UTP6: variants seen among roughly 807,000 people sequenced by gnomAD.
UTP6 encodes UTP6 small subunit processome component.
In UTP6, 60 loss-of-function variants were observed where a neutral mutation model predicts 96.5. The ratio of observed to expected loss-of-function variants is 0.62; its 90% confidence interval spans 0.51 to 0.77. The LOEUF (loss-of-function observed/expected upper bound fraction) is 0.77, where lower values mean the gene tolerates loss of function less well. Ranked by LOEUF, UTP6 falls within the 30% of genes least tolerant of loss-of-function variation. UTP6 has a pLI of 0.00. For synonymous variants in UTP6, 215 were observed against 240.1 expected (o/e 0.90, Z 0.96); for missense variants, 637 against 706.5 (o/e 0.90, Z 1.12).
At position 31,863,481 on chromosome 17, in the gene UTP6, G is replaced by A. The variant is rs1270588091; in HGVS notation, c.1672C>T (p.His558Tyr). The A allele has an allele frequency of 6.2e-7, 1 of 1,611,596 alleles. No homozygotes were observed. Among genetic ancestry groups the A allele is most frequent in the Non-Finnish European group, 8.5e-7 (1 of 1,179,308 alleles). ...CAGTTCTCAGGTCTACCAAGGGGGT[G>A]GTTCAATTCTTCTTTCATATAATCC... is the stretch of plus-strand genomic sequence containing the variant. ...WMDYMKEELNHPLGRPENCGQ... is the reference protein window; with the variant it reads ...WMDYMKEELNYPLGRPENCGQ... The change falls in exon 19 of 19, where the codon CAC (histidine) becomes TAC (tyrosine). Residue 558 changes from histidine (H) to tyrosine (Y), a missense_variant. By Grantham distance (83) the His-to-Tyr change is moderately conservative. Transcript: ENST00000261708.
At position 31,884,434 on chromosome 17, in the gene UTP6, T is replaced by C; in HGVS notation, c.775A>G (p.Ile259Val). The C allele has an allele frequency of 6.2e-7, 1 of 1,610,498 alleles. No individual in the cohort carries two copies. The highest frequency in any genetic ancestry group is 8.5e-7 in the Non-Finnish European group (1 of 1,178,438). Residue 259 changes from isoleucine to valine, a missense_variant, in exon 10 of 19, where the codon ATT (isoleucine) becomes GTT (valine). Transcript: ENST00000261708. ...ACTAACTTTACTTACTCATCATAAA[T>C]CTCTTTTTGTAGATCTTTGGCAAAG... Reference protein sequence around the residue: ...FDFAKDLQKEIYDDLQALHTD... With the variant: ...FDFAKDLQKEVYDDLQALHTD...
rs1003885757 is a variant in UTP6, at chr17:31,863,007, G to A, written c.*352C>T. Reference sequence around the variant, plus strand: ...AAACATTTAGGACCTGTGGAAGATCGGGCCTCAACATTAAATCAGCAATTC... The same window carrying A: ...AAACATTTAGGACCTGTGGAAGATCAGGCCTCAACATTAAATCAGCAATTC... On this transcript the variant is annotated 3_prime_UTR_variant, in exon 19 of 19. Transcript: ENST00000261708. 5.9e-5 allele frequency: 11 copies of A among 186,552 alleles called. No homozygotes were observed. The highest frequency in any genetic ancestry group is 2.1e-4 in the African/African-American group (9 of 42,524). The allele number at this position is 186,552 out of a possible 1,614,324, so 11.6% of individuals were successfully genotyped here.
intron 17 of UTP6, among the ~76,000 whole-genome samples, chr17:31,865,914 C>T (rs1909783828): frequency 6.6e-6 from 1 of 152,162 alleles, no homozygotes; most frequent in South Asian, 2.1e-4. Context: ...ACCTATAAAA[C>T]AAGCTTTAAT....
chr17:31,899,779 CGTTTAA>C (rs982840598), intron 1 of UTP6, 49 bp from the exon 2 acceptor site: 55 of 1,303,170 alleles, frequency 4.2e-5, no homozygotes, highest in Non-Finnish European at 5.3e-5. Context: ...AAAAATTAAA[CGTTTAA>C]GTTTATTTTG....
At chr17:31,877,354 C>T (rs1335881301) in intron 13 of UTP6, among the ~76,000 whole-genome samples, 1 of 152,192 alleles carries the variant, frequency 6.6e-6, no homozygotes, top group African/African-American at 2.4e-5. Context: ...ATAATCAGTA[C>T]ATTCAGCAAG....
intron 2 of UTP6, among the ~76,000 whole-genome samples, chr17:31,895,823 C>T (rs1446031183): frequency 6.6e-6 from 1 of 151,724 alleles, no homozygotes; most frequent in African/African-American, 2.4e-5. Flanking sequence ...CATGAGCCAC[C>T]GTGCCCGGCC....
intron 2 of UTP6, among the ~76,000 whole-genome samples, chr17:31,896,986 A>G (rs892736924): frequency 5.9e-5 from 9 of 152,102 alleles, no homozygotes; most frequent in African/African-American, 2.2e-4. Flanking sequence ...AGTCTAATTT[A>G]GCTTTAAGAA....
rs370073573 is a variant in UTP6, at chr17:31,873,326, G to A, written c.1496+52C>T. 7.4e-5 allele frequency: 114 copies of A among 1,530,468 alleles called. No homozygotes were observed. The Admixed American group carries it at 1.1e-3, about 15-fold the overall frequency. The allele number at this position is 1,530,468 out of a possible 1,614,324, so 94.8% of individuals were successfully genotyped here. A position where few individuals can be genotyped will look rare whatever the true frequency, so the allele number is the denominator to read the frequency against. Reference sequence around the variant, plus strand: ...TGATTCAAATAATCTGGGTATGAGCGGCTGAGCATGGGGTAGAGGGACTAG... The same window carrying A: ...TGATTCAAATAATCTGGGTATGAGCAGCTGAGCATGGGGTAGAGGGACTAG... On this transcript the variant is annotated intron_variant, in intron 16 of 18. Coordinates refer to ENST00000261708, the MANE Select transcript of UTP6 (RefSeq NM_018428.3).
At chr17:31,881,880 CAG>C (rs1314695060) in intron 10 of UTP6, among the ~76,000 whole-genome samples, 2 of 151,962 alleles carry the variant, frequency 1.3e-5, no homozygotes, top group African/African-American at 4.8e-5. Flanking sequence ...TTTTATTGTA[CAG>C]AGTTTTGCCA....
chr17:31,879,479 G>A (rs770775733), intron 11 of UTP6, among the ~76,000 whole-genome samples: 10 of 151,984 alleles, frequency 6.6e-5, no homozygotes, highest in Non-Finnish European at 1.2e-4. Context: ...AGACCAGCCT[G>A]GGCAACATGG....
intron 1 of UTP6, among the ~76,000 whole-genome samples, chr17:31,900,874 A>ACTT (rs1904939586): frequency 6.6e-6 from 1 of 152,204 alleles, no homozygotes; most frequent in South Asian, 2.1e-4. Context: ...TTAACTGAGC[A>ACTT]CTTTCTAAGC....
In UTP6 at chr17:31,901,656, A is replaced by G. The variant is rs1242181956; in HGVS notation, c.-29T>C. On this transcript the variant is annotated 5_prime_UTR_variant, in exon 1 of 19. Transcript: ENST00000261708. ...GTCCGAGGTCTACAACCCCGCGGGT[A>G]GCTTCTCAACAGCGAACACGAGCAG... 8.1e-6 allele frequency: 13 copies of G among 1,608,602 alleles called. No homozygotes were observed. Among genetic ancestry groups the G allele is most frequent in the African/African-American group, 2.7e-5 (2 of 74,852 alleles).
intron 2 of UTP6, among the ~76,000 whole-genome samples, chr17:31,896,324 C>T (rs1424145659): frequency 1.3e-5 from 2 of 151,890 alleles, no homozygotes; most frequent in East Asian, 2.0e-4. Context: ...GTAATCCACC[C>T]GCCTCAGCCT....
chr17:31,880,228 T>C, intron 11 of UTP6: 1 of 278,144 alleles, frequency 3.6e-6, no homozygotes, highest in Non-Finnish European at 7.1e-6. Flanking sequence ...GAGACCAGTC[T>C]GGGCAACACA....
At chr17:31,870,126 G>A (rs543564222) in intron 16 of UTP6, among the ~76,000 whole-genome samples, 1 of 152,228 alleles carries the variant, frequency 6.6e-6, no homozygotes, top group South Asian at 2.1e-4. Flanking sequence ...GAATAGTGCT[G>A]TGATGAACAT....
At chr17:31,889,463 G>T in intron 6 of UTP6, 60 bp from the exon 7 acceptor site, 6 of 1,122,700 alleles carry the variant, frequency 5.3e-6, no homozygotes, top group Non-Finnish European at 7.6e-6. Flanking sequence ...GACAAGAAAA[G>T]AACCAAATGA....
chr17:31,868,325 G>T lies in UTP6; in HGVS notation c.1497-213C>A, dbSNP rs1256457841. On this transcript the variant is annotated intron_variant, in intron 16 of 18. Transcript: ENST00000261708. ...TTCATACCCAGTTCTTAGTTTTTTG[G>T]TTTTTTTTTTTTTTTTTTTTTTGAG... Among the ~76,000 whole-genome samples the T allele has an allele frequency of 4.8e-3, 439 of 90,516 alleles. 6 individuals are homozygous for T. Among genetic ancestry groups the T allele is most frequent in the African/African-American group, 0.016 (390 of 23,744 alleles). The allele number at this position is 90,516 out of a possible 152,430, so 59.4% of individuals were successfully genotyped here. A position where few individuals can be genotyped will look rare whatever the true frequency, so the allele number is the denominator to read the frequency against.
chr17:31,880,857 T>G, intron 10 of UTP6, 103 bp from the exon 11 acceptor site: 1 of 1,469,496 alleles, frequency 6.8e-7, no homozygotes. Flanking sequence ...AGGACATCCC[T>G]GTAACAACTG....
intron 18 of UTP6, among the ~76,000 whole-genome samples, chr17:31,864,881 C>T (rs530020487): frequency 6.0e-4 from 91 of 151,712 alleles, no homozygotes; most frequent in African/African-American, 2.1e-3. Flanking sequence ...TCTTAACAGA[C>T]GACCCATGGA....
Sources: allele counts gnomAD v4.1 joint callset (sites outside exome capture counted in the v4.1 genomes callset), GRCh38; gene constraint gnomAD v4.1.1; transcripts MANE v1.5; gene names NCBI Gene and HGNC (gene_info 2026-07-23, HGNC 2026-07-21).